The following MTUS1 variants were observed in gnomAD, a reference collection of about 807,000 sequenced individuals.
MTUS1 encodes the protein microtubule associated scaffold protein 1.
A neutral mutation model predicts 120.8 loss-of-function variants in MTUS1; 109 were observed. The ratio of observed to expected loss-of-function variants is 0.90; its 90% confidence interval spans 0.77 to 1.06. The LOEUF (loss-of-function observed/expected upper bound fraction) is 1.06, where lower values mean the gene tolerates loss of function less well. Among genes scored for constraint, MTUS1 ranks in the 50% least tolerant of loss-of-function variants. The pLI is 0.00. For missense variants in MTUS1, 2,210 were observed against 1,486.3 expected (o/e 1.49, Z -8.01); for synonymous variants, 737 against 550.5 (o/e 1.34, Z -4.74).
At chr8:17,794,243 G>A (rs922567502) in intron 1 of MTUS1, among the ~76,000 whole-genome samples, 5 of 151,922 alleles carry the variant, frequency 3.3e-5, no homozygotes, top group Non-Finnish European at 5.9e-5. Flanking sequence ...CAGGAGAATC[G>A]CTTGAACCCA....
In MTUS1 at chr8:17,657,682, C is replaced by A. The variant is rs545781811; in HGVS notation, c.2906-1617G>T. Among the ~76,000 whole-genome samples the A allele has an allele frequency of 2.8e-5, 4 of 141,416 alleles. No homozygotes were observed. In the Middle Eastern group the frequency reaches 0.011, roughly 402 times the overall value. 92.8% of individuals were successfully genotyped at this position (141,416 alleles called of 152,430 possible). A position where few individuals can be genotyped will look rare whatever the true frequency, so the allele number is the denominator to read the frequency against. On this transcript the variant is annotated intron_variant, in intron 8 of 14. Transcript: ENST00000693296. ...ATTAAAAAAAAAAAAAAAAAATTAT[C>A]CAGGCATGATGGTGTGGGCCTGTAG...
chr8:17,679,394 A>G (rs1813825572), intron 7 of MTUS1, among the ~76,000 whole-genome samples: 1 of 152,054 alleles, frequency 6.6e-6, no homozygotes, highest in Non-Finnish European at 1.5e-5. Context: ...CACAGTATAT[A>G]TACTTCTGTA....
At chr8:17,720,329 G>T (rs1354307091) in intron 4 of MTUS1, among the ~76,000 whole-genome samples, 1 of 149,330 alleles carries the variant, frequency 6.7e-6, no homozygotes, top group Non-Finnish European at 1.5e-5. Context: ...TGGGCGACAA[G>T]AGCGAAACTC....
chr8:17,783,774 A>G (rs1201209264), intron 1 of MTUS1, among the ~76,000 whole-genome samples: 1 of 152,138 alleles, frequency 6.6e-6, no homozygotes, highest in Non-Finnish European at 1.5e-5. Flanking sequence ...CCCAGCAGTA[A>G]TTTCTCAAAA....
intron 1 of MTUS1, among the ~76,000 whole-genome samples, chr8:17,760,583 A>G (rs1282545098): frequency 6.6e-6 from 1 of 152,162 alleles, no homozygotes; most frequent in Non-Finnish European, 1.5e-5. Context: ...ATTTTGTTTT[A>G]CTGCCTATTT....
intron 8 of MTUS1, among the ~76,000 whole-genome samples, chr8:17,660,716 A>G (rs1356942137): frequency 6.6e-6 from 1 of 152,164 alleles, no homozygotes; most frequent in Non-Finnish European, 1.5e-5. Context: ...TTTTTCAAAT[A>G]TATGTAACAG....
At chr8:17,792,657 A>G (rs1009508675) in intron 1 of MTUS1, among the ~76,000 whole-genome samples, 1 of 152,238 alleles carries the variant, frequency 6.6e-6, no homozygotes, top group African/African-American at 2.4e-5. Flanking sequence ...TGAGGCCAGG[A>G]GATTGCCACC....
chr8:17,790,299 G>C (rs2131579134), intron 1 of MTUS1, among the ~76,000 whole-genome samples: 1 of 149,532 alleles, frequency 6.7e-6, no homozygotes, highest in South Asian at 2.1e-4. Context: ...CATGAGCCGA[G>C]ATGAAGCCAT....
At chr8:17,703,535 A>C (rs1050303528) in intron 6 of MTUS1, among the ~76,000 whole-genome samples, 4 of 150,872 alleles carry the variant, frequency 2.7e-5, no homozygotes, top group African/African-American at 9.8e-5. Flanking sequence ...AGTCCCAGGC[A>C]GGAGAATGGC....
intron 3 of MTUS1, among the ~76,000 whole-genome samples, chr8:17,728,163 T>C (rs1178820289): frequency 6.6e-6 from 1 of 151,658 alleles, no homozygotes; most frequent in Non-Finnish European, 1.5e-5. Flanking sequence ...AAATGGGGAG[T>C]TGTTCAATGG....
intron 8 of MTUS1, among the ~76,000 whole-genome samples, chr8:17,659,081 G>A (rs534180722): frequency 5.9e-5 from 9 of 152,264 alleles, no homozygotes; most frequent in East Asian, 1.9e-4. Context: ...TAAGGAAACC[G>A]CCACAGAGAG....
intron 1 of MTUS1, chr8:17,800,501 A>G (rs765950118): frequency 6.6e-6 from 1 of 152,220 alleles, no homozygotes; most frequent in African/African-American, 2.4e-5. Context: ...TCAACAAACA[A>G]CTTGGTAGAA....
At chr8:17,680,541 G>A (rs1264557434) in intron 7 of MTUS1, among the ~76,000 whole-genome samples, 1 of 149,012 alleles carries the variant, frequency 6.7e-6, no homozygotes, top group Non-Finnish European at 1.5e-5. Context: ...TTCCTTGGCT[G>A]TCAGGACCTA....
At chr8:17,781,403 C>T (rs1456420087) in intron 1 of MTUS1, among the ~76,000 whole-genome samples, 2 of 152,084 alleles carry the variant, frequency 1.3e-5, no homozygotes, top group African/African-American at 4.8e-5. Context: ...GTTTAAATGG[C>T]CTGTTGTCTG....
chr8:17,771,427 G>A (rs2050015564), intron 1 of MTUS1, among the ~76,000 whole-genome samples: 1 of 152,196 alleles, frequency 6.6e-6, no homozygotes, highest in Non-Finnish European at 1.5e-5. Context: ...ATGCAATGAA[G>A]TTTTCAAATC....
chr8:17,659,606 G>A (rs1310461204), intron 8 of MTUS1, among the ~76,000 whole-genome samples: 1 of 152,102 alleles, frequency 6.6e-6, no homozygotes, highest in Non-Finnish European at 1.5e-5. Context: ...AGTGAGGCAG[G>A]AGAATCGCTT....
chr8:17,764,934 C>A (rs2049348165), intron 1 of MTUS1, among the ~76,000 whole-genome samples: 1 of 152,116 alleles, frequency 6.6e-6, no homozygotes, highest in Non-Finnish European at 1.5e-5. Context: ...CACTTTATTT[C>A]TATTAGTATT....
intron 1 of MTUS1, among the ~76,000 whole-genome samples, chr8:17,771,732 T>C (rs62498368): frequency 0.19 from 28,489 of 152,114 alleles, 2,655 homozygotes; most frequent in Middle Eastern, 0.21. Context: ...ACAAAGACAA[T>C]TTTACTATTT....
chr8:17,730,350 T>G (rs1246048365), intron 3 of MTUS1, among the ~76,000 whole-genome samples: 1 of 152,028 alleles, frequency 6.6e-6, no homozygotes, highest in Non-Finnish European at 1.5e-5. Flanking sequence ...CTGGGCATGG[T>G]GGCGGGCACC....
Sources: allele counts gnomAD v4.1 joint callset (sites outside exome capture counted in the v4.1 genomes callset), GRCh38; gene constraint gnomAD v4.1.1; transcripts MANE v1.5; gene names NCBI Gene and HGNC (gene_info 2026-07-23, HGNC 2026-07-21).